EARS2: variants seen among roughly 807,000 people sequenced by gnomAD.
The protein encoded by EARS2 is glutamyl-tRNA synthetase 2, mitochondrial, also known as nondiscriminating glutamyl-tRNA synthetase EARS2, mitochondrial.
A neutral mutation model predicts 54.1 loss-of-function variants in EARS2; 50 were observed. The observed-to-expected ratio is 0.92, with a 90% confidence interval of 0.74 to 1.17. EARS2 has a LOEUF of 1.17. Among genes scored for constraint, EARS2 ranks in the 50% most tolerant of loss-of-function variants. The pLI, the probability that EARS2 is intolerant of heterozygous loss-of-function variation, is 0.00. For synonymous variants in EARS2, 298 were observed against 281.0 expected (o/e 1.06, Z -0.61); for missense variants, 673 against 675.0 (o/e 1.00, Z 0.03).
At chr16:23,546,805 T>G (rs1965610628) in intron 2 of EARS2, among the ~76,000 whole-genome samples, 1 of 152,212 alleles carries the variant, frequency 6.6e-6, no homozygotes, top group African/African-American at 2.4e-5. Flanking sequence ...GTGATCCTCT[T>G]GCCTCGGCTT....
intron 5 of EARS2, 71 bp downstream of exon 5, chr16:23,532,586 C>T: frequency 1.8e-6 from 2 of 1,121,240 alleles, no homozygotes; most frequent in African/African-American, 3.1e-5. Flanking sequence ...CCCATTATAC[C>T]CTCTGCTGTA....
At chr16:23,544,724 A>C in intron 2 of EARS2, 21 bp from the exon 3 acceptor site, 1 of 1,581,960 alleles carries the variant, frequency 6.3e-7, no homozygotes, top group Admixed American at 1.8e-5. Context: ...GGGAATAATG[A>C]CAGCTAAGGT....
In EARS2 at chr16:23,542,316, C is replaced by CTTTTTTTT. The variant is rs745418385; in HGVS notation, c.485+2190_485+2197dup. Among the ~76,000 whole-genome samples the CTTTTTTTT allele has an allele frequency of 1.1e-3, 102 of 93,696 alleles. 3 individuals are homozygous for CTTTTTTTT. The highest frequency in any genetic ancestry group is 1.9e-3 in the African/African-American group (49 of 25,318). The allele number at this position is 93,696 out of a possible 152,430, so 61.5% of individuals were successfully genotyped here. A position where few individuals can be genotyped will look rare whatever the true frequency, so the allele number is the denominator to read the frequency against. On this transcript the variant is annotated intron_variant, in intron 3 of 8. Transcript: ENST00000449606. ...GGCCCTTTGTGGACCTTTCATTTTT[C>CTTTTTTTT]TTTTTTTTTTTTTTTTTTTTTGAGA... is the stretch of plus-strand genomic sequence containing the variant.
At position 23,523,651 on chromosome 16, in the gene EARS2, A is replaced by G. The variant is rs1469027270; in HGVS notation, c.*720T>C. 1 of 152,288 alleles carries G rather than the reference A, an allele frequency of 6.6e-6. No individual in the cohort carries two copies. The highest frequency in any genetic ancestry group is 1.5e-5 in the Non-Finnish European group (1 of 68,122). The allele number at this position is 152,288 out of a possible 1,614,324, so 9.4% of individuals were successfully genotyped here. On this transcript the variant is annotated 3_prime_UTR_variant, in exon 9 of 9. Coordinates refer to ENST00000449606, the MANE Select transcript of EARS2 (RefSeq NM_001083614.2). ...CTGGGACCCATGAGTCCTGCTGCCC[A>G]GCTGCTACGGGCTGAATTCTGTCCC...
rs541249032 is a variant in EARS2 at position 23,551,782 on chromosome 16, G to A, written c.295+367C>T. Among the ~76,000 whole-genome samples, 79 of 152,250 alleles carry A rather than the reference G, an allele frequency of 5.2e-4. 1 individual carries two copies. In the South Asian group the frequency reaches 0.011, roughly 21 times the overall value. On this transcript the variant is annotated intron_variant, in intron 2 of 8. Coordinates refer to ENST00000449606, the MANE Select transcript of EARS2 (RefSeq NM_001083614.2). The stretch of plus-strand genomic sequence containing the variant: ...AAAATACAAAAAAACTTAGCCGGGC[G>A]TGGTGGCGGGCGCCTGTAGTTCCAG...
intron 1 of EARS2, among the ~76,000 whole-genome samples, chr16:23,552,732 C>T (rs1204522448): frequency 6.6e-6 from 1 of 152,226 alleles, no homozygotes; most frequent in Non-Finnish European, 1.5e-5. Context: ...CTCAAGTGAT[C>T]CCCCCAGCCT....
intron 7 of EARS2, 142 bp downstream of exon 7, chr16:23,529,360 G>T: frequency 8.8e-7 from 1 of 1,138,368 alleles, no homozygotes; most frequent in Non-Finnish European, 1.2e-6. Flanking sequence ...CCTCACCAGC[G>T]AAAGCCAGTG....
Position 23,557,301 on chromosome 16 carries a change from A to G in EARS2, c.43T>C (p.Ser15Pro), listed in dbSNP as rs755022102. Reference protein sequence around the residue: ...LRRLLQRERPSAASGRPVGRR... With the variant: ...LRRLLQRERPPAASGRPVGRR... ...CCTACGGGGCGGCCAGAGGCCGCCG[A>G]AGGCCTCTCGCGCTGCAGCAGTCTC... Residue 15 changes from serine (S) to proline (P), a missense_variant, in exon 1 of 9, where the codon TCG becomes CCG. This residue lies in a region of EARS2 where 316 missense variants were observed against 275.2 expected (regional missense o/e 1.15). Transcript: ENST00000449606. The G allele has an allele frequency of 6.6e-7, 1 of 1,518,252 alleles. No homozygotes were observed. The allele number at this position is 1,518,252 out of a possible 1,614,324, so 94.0% of individuals were successfully genotyped here.
chr16:23,526,355 A>G lies in EARS2; in HGVS notation c.1353-976T>C, dbSNP rs369431462. Among the ~76,000 whole-genome samples, 36 of 152,122 alleles carry G rather than the reference A, an allele frequency of 2.4e-4. No individual in the cohort carries two copies. The East Asian group carries it at 6.8e-3, about 29-fold the overall frequency. On this transcript the variant is annotated intron_variant, in intron 7 of 8. Coordinates refer to ENST00000449606, the MANE Select transcript of EARS2 (RefSeq NM_001083614.2). ...TCAAACACCTGACCTCAGGTGATCC[A>G]CTCACCTTGGCCTCCCAAAGTGCTG...
chr16:23,543,975 A>ATATC (rs1965558854), intron 3 of EARS2, among the ~76,000 whole-genome samples: 1 of 152,224 alleles, frequency 6.6e-6, no homozygotes, highest in African/African-American at 2.4e-5. Flanking sequence ...CACCCCCAAG[A>ATATC]TATCTCATTA....
Position 23,552,311 on chromosome 16 carries a change from AAG to A in EARS2, c.140-9_140-8del. The stretch of plus-strand genomic sequence containing the variant: ...CCACCCAGGTGCAAGAAGCCTGGAG[AAG>A]AGAACAGCTCAGATAAGACAGGGAA... On this transcript the variant is annotated splice_region_variant and splice_polypyrimidine_tract_variant and intron_variant, in intron 1 of 8. Transcript: ENST00000449606. 1.9e-6 allele frequency: 3 copies of A among 1,613,988 alleles called. No homozygotes were observed. The highest frequency in any genetic ancestry group is 2.5e-6 in the Non-Finnish European group (3 of 1,179,844).
chr16:23,557,111 C>T (rs1421352767), intron 1 of EARS2, 94 bp downstream of exon 1: 28 of 1,467,108 alleles, frequency 1.9e-5, no homozygotes, highest in Admixed American at 2.6e-5. Flanking sequence ...CCCGCCCACT[C>T]TGACACCACC....
intron 8 of EARS2, 73 bp downstream of exon 8, chr16:23,525,171 C>A (rs2142159222): frequency 6.2e-7 from 1 of 1,608,340 alleles, no homozygotes; most frequent in Non-Finnish European, 8.5e-7. Flanking sequence ...AGCTCAGTGC[C>A]TGCCAGGAAA....
Position 23,557,344 on chromosome 16 carries a change from G to T in EARS2, c.-1C>A. Reference sequence around the variant, plus strand: ...GCAGTCTCCTCAGGAGCGCCGCCATGTGGGATGGAATAGCACACGTGGGCT... The same window carrying T: ...GCAGTCTCCTCAGGAGCGCCGCCATTTGGGATGGAATAGCACACGTGGGCT... On this transcript the variant is annotated 5_prime_UTR_variant, in exon 1 of 9. Coordinates refer to ENST00000449606, the MANE Select transcript of EARS2 (RefSeq NM_001083614.2). The T allele has an allele frequency of 1.3e-6, 2 of 1,543,644 alleles. No individual in the cohort carries two copies. Among genetic ancestry groups the T allele is most frequent in the Non-Finnish European group, 1.7e-6 (2 of 1,150,922 alleles).
Position 23,529,825 on chromosome 16 carries a change from C to G in EARS2, c.1140G>C (p.Val380=), listed in dbSNP as rs756362023. ...GCAGCTGGCAACCAAAGGCCTCCTC[C>G]ACAAGGACCTGCAGCTTCCCCACCA... ...RQLVGKLQVL[V]EEAFGCQLQN... is the part of the protein sequence containing the mutation. Residue 380 remains valine (V), a synonymous_variant, in exon 6 of 9, where the codon GTG becomes GTC. Transcript: ENST00000449606. The G allele has an allele frequency of 6.2e-7, 1 of 1,614,040 alleles. No homozygotes were observed. Among genetic ancestry groups the G allele is most frequent in the African/African-American group, 1.3e-5 (1 of 74,916 alleles).
intron 3 of EARS2, among the ~76,000 whole-genome samples, chr16:23,542,575 A>G (rs1389176465): frequency 6.6e-6 from 1 of 151,706 alleles, no homozygotes; most frequent in African/African-American, 2.4e-5. Flanking sequence ...CAGCCTCCCA[A>G]AGTGCTGGGA....
chr16:23,534,251 T>C (rs920761213), intron 4 of EARS2, among the ~76,000 whole-genome samples: 1 of 152,190 alleles, frequency 6.6e-6, no homozygotes, highest in Non-Finnish European at 1.5e-5. Flanking sequence ...GAGATATGTA[T>C]CTACCCCTTA....
At chr16:23,545,439 G>A (rs765392828) in intron 2 of EARS2, among the ~76,000 whole-genome samples, 3 of 152,188 alleles carry the variant, frequency 2.0e-5, no homozygotes, top group Admixed American at 6.5e-5. Flanking sequence ...TGCTACCAAC[G>A]TGTGAGCACC....
At position 23,521,395 on chromosome 16, in the gene EARS2, T is replaced by C. The variant is rs1415697524; in HGVS notation, c.*2976A>G. ...TACAGTATCTATCCTTTTAACTTTA[T>C]TTTATTCATTTTTTTTTTTTTAGAC... On this transcript the variant is annotated 3_prime_UTR_variant, in exon 9 of 9. Coordinates refer to ENST00000449606, the MANE Select transcript of EARS2 (RefSeq NM_001083614.2). Among the ~76,000 whole-genome samples, 1 of 152,106 alleles carries C rather than the reference T, an allele frequency of 6.6e-6. No individual in the cohort carries two copies. The highest frequency in any genetic ancestry group is 1.5e-5 in the Non-Finnish European group (1 of 68,014).
Sources: gnomAD v4.1 joint callset for allele counts (sites outside exome capture counted in the v4.1 genomes callset) on GRCh38, gnomAD v4.1.1 for gene constraint, gnomAD v4.1.1 regional missense constraint, MANE v1.5 for transcripts, NCBI Gene and HGNC (gene_info 2026-07-23, HGNC 2026-07-21) for gene names.